NOTCH1: variants seen among roughly 807,000 people sequenced by gnomAD.
NOTCH1 encodes notch receptor 1.
In NOTCH1, 37 loss-of-function variants were observed where a neutral mutation model predicts 254.8. That is an observed-to-expected ratio of 0.15 (90% CI 0.11 to 0.19). The LOEUF (loss-of-function observed/expected upper bound fraction) is 0.19, where lower values mean the gene tolerates loss of function less well. Among genes scored for constraint, NOTCH1 ranks in the 10% least tolerant of loss-of-function variants. The pLI, the probability that NOTCH1 is intolerant of heterozygous loss-of-function variation, is 1.00. For synonymous variants in NOTCH1, 1,731 were observed against 1,618.1 expected (o/e 1.07, Z -1.68); for missense variants, 2,972 against 3,708.6 (o/e 0.80, Z 5.16).
chr9:136,499,971 G>C (rs554382874), intron 31 of NOTCH1, among the ~76,000 whole-genome samples: 3 of 152,330 alleles, frequency 2.0e-5, no homozygotes, highest in African/African-American at 7.2e-5. Context: ...GTGCCCATCT[G>C]AACCTGCTTG....
intron 26 of NOTCH1, 60 bp downstream of exon 26, chr9:136,504,613 C>T (rs1843047425): frequency 1.4e-6 from 2 of 1,437,248 alleles, no homozygotes; most frequent in Non-Finnish European, 9.2e-7. Context: ...GGCAGGGAGG[C>T]CGTCGGGGAG....
intron 2 of NOTCH1, among the ~76,000 whole-genome samples, chr9:136,528,741 C>T (rs1269711850): frequency 6.6e-6 from 1 of 152,050 alleles, no homozygotes; most frequent in Non-Finnish European, 1.5e-5. Context: ...CCCACCTGCC[C>T]TCCTTGGGCC....
chr9:136,508,240 T>C lies in NOTCH1; in HGVS notation c.3317A>G (p.Gln1106Arg), dbSNP rs765158901. ...TGGGCACAGCAGGTTACCTTGTCGC[T>C]GCGCAGCCACCTCACAGGACACGCT... is the stretch of plus-strand genomic sequence containing the variant. ...VPSVSCEVAA[Q>R]RQGVDVARLC... The change falls in exon 20 of 34, where the codon CAG (glutamine) becomes CGG (arginine). Residue 1106 changes from glutamine to arginine, a missense_variant. By Grantham distance (43) the Gln-to-Arg change is conservative (BLOSUM62 1). This residue lies in a region of NOTCH1 where 1,343 missense variants were observed against 1,557.0 expected (regional missense o/e 0.86). Coordinates refer to ENST00000651671, the MANE Select transcript of NOTCH1 (RefSeq NM_017617.5). 2 of 1,611,648 alleles carry C rather than the reference T, an allele frequency of 1.2e-6. No individual in the cohort carries two copies. The highest frequency in any genetic ancestry group is 1.1e-5 in the South Asian group (1 of 91,054).
intron 31 of NOTCH1, among the ~76,000 whole-genome samples, chr9:136,499,932 T>C (rs1842971157): frequency 6.6e-6 from 1 of 152,302 alleles, no homozygotes; most frequent in East Asian, 1.9e-4. Flanking sequence ...AATCAGGAAA[T>C]GAGAAGCTCT....
Position 136,528,223 on chromosome 9 carries a change from G to A in NOTCH1, c.141-4244C>T, listed in dbSNP as rs575872525. On this transcript the variant is annotated intron_variant, in intron 2 of 33. Transcript: ENST00000651671. The stretch of plus-strand genomic sequence containing the variant: ...AGGGATGGGGGCACAGGCAGAGGCC[G>A]AGCAGAGGGGTGGGGGTGTGGGGTC... 9.6e-4 allele frequency among the ~76,000 whole-genome samples: 139 copies of A among 145,442 alleles called. 1 individual carries two copies. Among genetic ancestry groups the A allele is most frequent in the Non-Finnish European group, 1.2e-3 (79 of 66,108 alleles).
In NOTCH1 at chr9:136,504,778, C is replaced by A. The variant is rs981320922; in HGVS notation, c.4913G>T (p.Trp1638Leu). 5 of 1,552,866 alleles carry A rather than the reference C, an allele frequency of 3.2e-6. No homozygotes were observed. In the African/African-American group the frequency reaches 6.8e-5, roughly 21 times the overall value. The part of the protein sequence containing the change: ...KHPIKRAAEG[W>L]AAPDALLGQV... The stretch of plus-strand genomic sequence containing the variant: ...GCCCAGCAGGGCGTCAGGTGCGGCC[C>A]AGCCCTCGGCGGCACGCTTGATGGG... Residue 1638 changes from tryptophan to leucine, a missense_variant, in exon 26 of 34, where the codon TGG becomes TTG. Around this residue, in one of 8 missense-constraint regions of NOTCH1, gnomAD observed 1,343 missense variants for 1,557.0 expected, o/e 0.86. Transcript: ENST00000651671.
At chr9:136,523,235 G>T (rs367545185) in intron 3 of NOTCH1, 47 bp from the exon 4 acceptor site, 2 of 1,539,818 alleles carry the variant, frequency 1.3e-6, no homozygotes, top group Non-Finnish European at 1.8e-6. Context: ...ACTGCTCCCC[G>T]AGGCCGGGCC....
At chr9:136,520,386 G>C (rs1843347997) in intron 4 of NOTCH1, among the ~76,000 whole-genome samples, 2 of 152,062 alleles carry the variant, frequency 1.3e-5, no homozygotes, top group Admixed American at 1.3e-4. Context: ...AGCAAAAGCA[G>C]GCAGCCAGAG....
At position 136,517,312 on chromosome 9, in the gene NOTCH1, G is replaced by A. The variant is rs1414111784; in HGVS notation, c.1515C>T (p.Cys505=). 1.2e-6 allele frequency: 2 copies of A among 1,609,882 alleles called. No homozygotes were observed. The highest frequency in any genetic ancestry group is 8.5e-7 in the Non-Finnish European group (1 of 1,178,596). Residue 505 remains cysteine, a synonymous_variant, in exon 9 of 34, where the codon TGC becomes TGT. Transcript: ENST00000651671. ...ACTGGAACTCATTGATCTTGTCCAGGCAGCGGCCATTGTGCAGGCAGGGGC... is the reference window on the plus strand; with the variant it reads ...ACTGGAACTCATTGATCTTGTCCAGACAGCGGCCATTGTGCAGGCAGGGGC... ...ASSPCLHNGR[C]LDKINEFQCE... is the part of the protein sequence containing the mutation.
intron 2 of NOTCH1, among the ~76,000 whole-genome samples, chr9:136,527,894 A>G (rs957666797): frequency 6.6e-6 from 1 of 151,748 alleles, no homozygotes; most frequent in African/African-American, 2.4e-5. Flanking sequence ...CGCCACCTCT[A>G]CCGCCACCAC....
rs1029981630 is a variant in NOTCH1, at chr9:136,545,568, C to G, written c.61+158G>C. On this transcript the variant is annotated intron_variant, in intron 1 of 33. Transcript: ENST00000651671. This position sits in a 1 kb window ranked among gnomAD's most constrained non-coding sequence, Gnocchi z 6.8. ...GGGGGAAGGTCGGTCCTCCCTGATC[C>G]CGGGACTCCAGAACCCCACGCCCCG... Among the ~76,000 whole-genome samples the G allele has an allele frequency of 2.0e-5, 3 of 151,932 alleles. No individual in the cohort carries two copies. The highest frequency in any genetic ancestry group is 4.4e-5 in the Non-Finnish European group (3 of 67,940).
Position 136,518,180 on chromosome 9 carries a change from G to A in NOTCH1, c.1212C>T (p.Tyr404=), listed in dbSNP as rs891374345. Residue 404 remains tyrosine, a synonymous_variant, in exon 7 of 34, where the codon TAC becomes TAT. Transcript: ENST00000651671. ...GKAICTCPSG[Y]TGPACSQDVD... ...CGTCCTGGCTGCAGGCCGGGCCCGT[G>A]TACCCCGAGGGGCAGGTGCAGATGG... 4 of 1,601,746 alleles carry A rather than the reference G, an allele frequency of 2.5e-6. No individual in the cohort carries two copies. The highest frequency in any genetic ancestry group is 3.4e-6 in the Non-Finnish European group (4 of 1,174,702).
In NOTCH1 at chr9:136,508,890, A is replaced by G; in HGVS notation, c.3151T>C (p.Tyr1051His). 1.9e-6 allele frequency: 3 copies of G among 1,547,820 alleles called. No homozygotes were observed. The highest frequency in any genetic ancestry group is 2.4e-5 in the East Asian group (1 of 40,912). ...GSYRCTCPQG[Y>H]TGPNCQNLVH... ...CTCACCTGGCAGTTGGGGCCAGTGTAGCCCTGGGGGCAGGTGCACCTGTAG... is the reference window on the plus strand; with the variant it reads ...CTCACCTGGCAGTTGGGGCCAGTGTGGCCCTGGGGGCAGGTGCACCTGTAG... The change falls in exon 19 of 34, where the codon TAC becomes CAC. Residue 1051 changes from tyrosine to histidine, a missense_variant. By Grantham distance (83) the Tyr-to-His change is moderately conservative. Transcript: ENST00000651671.
At chr9:136,533,434 C>G (rs946848747) in intron 2 of NOTCH1, among the ~76,000 whole-genome samples, 18 of 152,242 alleles carry the variant, frequency 1.2e-4, no homozygotes, top group African/African-American at 3.4e-4. Flanking sequence ...TGAAACCGAG[C>G]GGAACTTGGG....
chr9:136,502,093 G>A lies in NOTCH1; in HGVS notation c.5385-5C>T. ...TCTGAAGCGTTCTTCAGGGGCCTGG[G>A]GGGTGAGGGGTCGAGAAGTGAGGCT... On this transcript the variant is annotated splice_region_variant and splice_polypyrimidine_tract_variant and intron_variant, in intron 28 of 33. Transcript: ENST00000651671. 2 of 1,613,002 alleles carry A rather than the reference G, an allele frequency of 1.2e-6. 1 individual carries two copies. The highest frequency in any genetic ancestry group is 2.2e-5 in the South Asian group (2 of 91,092).
chr9:136,524,445 G>A (rs1039124113), intron 2 of NOTCH1, among the ~76,000 whole-genome samples: 8 of 152,154 alleles, frequency 5.3e-5, no homozygotes, highest in South Asian at 2.1e-4. Flanking sequence ...GAGAGGAGCC[G>A]GGTGCATTAG....
intron 4 of NOTCH1, among the ~76,000 whole-genome samples, chr9:136,521,071 C>T (rs1277598313): frequency 6.6e-6 from 1 of 152,178 alleles, no homozygotes; most frequent in African/African-American, 2.4e-5. Context: ...CCCGTGACTC[C>T]ACACACAGCT....
In NOTCH1 at chr9:136,511,184, C is replaced by T. The variant is rs2133354541; in HGVS notation, c.2555G>A (p.Ser852Asn). 1 of 1,612,934 alleles carries T rather than the reference C, an allele frequency of 6.2e-7. No individual in the cohort carries two copies. Among genetic ancestry groups the T allele is most frequent in the African/African-American group, 1.3e-5 (1 of 75,046 alleles). Residue 852 changes from serine (S) to asparagine (N), a missense_variant, in exon 16 of 34, where the codon AGC becomes AAC. Around this residue, in one of 8 missense-constraint regions of NOTCH1, gnomAD observed 1,343 missense variants for 1,557.0 expected, o/e 0.86. Transcript: ENST00000651671. ...GCCCGTGGGGCAGACACAGGAGAAG[C>T]TCTCATAGTCCTCGGATTGCCTGCA... is the stretch of plus-strand genomic sequence containing the variant. ...GECRQSEDYE[S>N]FSCVCPTGWQ...
intron 2 of NOTCH1, among the ~76,000 whole-genome samples, chr9:136,534,419 G>A (rs1042488115): frequency 6.6e-6 from 1 of 152,186 alleles, no homozygotes; most frequent in African/African-American, 2.4e-5. Context: ...CTGCCAATTA[G>A]AGCAAGGTCG....
Sources: allele counts gnomAD v4.1 joint callset (sites outside exome capture counted in the v4.1 genomes callset), GRCh38; gene constraint gnomAD v4.1.1; regional missense constraint gnomAD v4.1.1; non-coding constraint Gnocchi (gnomAD v3.1); transcripts MANE v1.5; gene names NCBI Gene and HGNC (gene_info 2026-07-23, HGNC 2026-07-21).